NRXN1: variants seen among roughly 807,000 people sequenced by gnomAD.
NRXN1 encodes the protein neurexin 1, also known as neurexin-1.
A neutral mutation model predicts 150.9 loss-of-function variants in NRXN1; 39 were observed. The ratio of observed to expected loss-of-function variants is 0.26; its 90% confidence interval spans 0.20 to 0.34. The LOEUF is 0.34. Ranked by LOEUF, NRXN1 falls within the 10% of genes least tolerant of loss-of-function variation. The pLI, the probability that NRXN1 is intolerant of heterozygous loss-of-function variation, is 1.00. For synonymous variants in NRXN1, 924 were observed against 757.0 expected (o/e 1.22, Z -3.62); for missense variants, 1,815 against 1,949.9 (o/e 0.93, Z 1.30).
chr2:50,726,196 C>G (rs1003824492), intron 5 of NRXN1, among the ~76,000 whole-genome samples: 1 of 152,116 alleles, frequency 6.6e-6, no homozygotes, highest in Non-Finnish European at 1.5e-5. Context: ...CTCTTTTACT[C>G]GATCCCTTAA....
intron 21 of NRXN1, among the ~76,000 whole-genome samples, chr2:50,006,750 A>G (rs1684832260): frequency 6.6e-6 from 1 of 152,118 alleles, no homozygotes; most frequent in South Asian, 2.1e-4. Context: ...GTATTACTCC[A>G]CTTTACTACT....
At chr2:50,940,447 C>T (rs1414300581) in intron 2 of NRXN1, among the ~76,000 whole-genome samples, 1 of 149,766 alleles carries the variant, frequency 6.7e-6, no homozygotes, top group East Asian at 1.9e-4. Flanking sequence ...TGTACTCCAA[C>T]CTGGTGACAG....
intron 5 of NRXN1, among the ~76,000 whole-genome samples, chr2:50,826,770 A>T (rs889872054): frequency 6.6e-6 from 1 of 152,194 alleles, no homozygotes; most frequent in African/African-American, 2.4e-5. Context: ...GAGAAGTTTG[A>T]GATAGCTCTT....
At chr2:50,438,567 T>C (rs1445161778) in intron 17 of NRXN1, among the ~76,000 whole-genome samples, 2 of 152,226 alleles carry the variant, frequency 1.3e-5, no homozygotes, top group Non-Finnish European at 2.9e-5. Context: ...AAGTGCAATT[T>C]TTCTCACATT....
chr2:50,906,181 T>C (rs1329419318), intron 5 of NRXN1, among the ~76,000 whole-genome samples: 1 of 152,108 alleles, frequency 6.6e-6, no homozygotes, highest in Non-Finnish European at 1.5e-5. Context: ...TAGATTAATA[T>C]CATATTTGTA....
chr2:50,410,244 A>T (rs944282727), intron 17 of NRXN1, among the ~76,000 whole-genome samples: 9 of 152,322 alleles, frequency 5.9e-5, no homozygotes, highest in Admixed American at 5.9e-4. Context: ...CCAACACTTA[A>T]TACAATTTCA....
chr2:50,479,934 C>T (rs549512698), intron 15 of NRXN1, among the ~76,000 whole-genome samples: 2 of 152,060 alleles, frequency 1.3e-5, no homozygotes, highest in African/African-American at 2.4e-5. Flanking sequence ...CCATTACACC[C>T]GGCTAACTTC....
At position 50,219,952 on chromosome 2, in the gene NRXN1, TAA is replaced by T. The variant is rs1491106194; in HGVS notation, c.3546+16835_3546+16836del. On this transcript the variant is annotated intron_variant, in intron 18 of 22. Transcript: ENST00000401669. ...TTATATATATTATATATTATATATA[TAA>T]TATATATATTATATATATATAATAT... Among the ~76,000 whole-genome samples, 12 of 67,668 alleles carry T rather than the reference TAA, an allele frequency of 1.8e-4. 2 individuals carry two copies. The highest frequency in any genetic ancestry group is 4.8e-4 in the Admixed American group (3 of 6,308). The allele number at this position is 67,668 out of a possible 152,430, so 44.4% of individuals were successfully genotyped here.
intron 5 of NRXN1, among the ~76,000 whole-genome samples, chr2:50,745,986 C>G (rs1699979321): frequency 6.6e-6 from 1 of 152,146 alleles, no homozygotes; most frequent in African/African-American, 2.4e-5. Flanking sequence ...GCCAATGGGA[C>G]AACTAGCCCA....
At chr2:51,019,265 TCA>T (rs1669223960) in intron 2 of NRXN1, among the ~76,000 whole-genome samples, 2 of 152,228 alleles carry the variant, frequency 1.3e-5, no homozygotes, top group Admixed American at 6.5e-5. Flanking sequence ...CTCTTCTAAC[TCA>T]CAGTTTTCTC....
At position 49,921,838 on chromosome 2, in the gene NRXN1, T is replaced by C; in HGVS notation, c.*106A>G. 1 of 1,119,242 alleles carries C rather than the reference T, an allele frequency of 8.9e-7. No individual in the cohort carries two copies. Among genetic ancestry groups the C allele is most frequent in the Non-Finnish European group, 1.3e-6 (1 of 775,366 alleles). The allele number at this position is 1,119,242 out of a possible 1,614,324, so 69.3% of individuals were successfully genotyped here. On this transcript the variant is annotated 3_prime_UTR_variant, in exon 23 of 23. Coordinates refer to ENST00000401669, the MANE Select transcript of NRXN1 (RefSeq NM_001330078.2). Reference sequence around the variant, plus strand: ...CTTTCCTTCCTGATTGCATTCCCTGTCTTCTTTTGTATGTGCTTCATAAAA... The same window carrying C: ...CTTTCCTTCCTGATTGCATTCCCTGCCTTCTTTTGTATGTGCTTCATAAAA...
chr2:50,465,497 A>G lies in NRXN1; in HGVS notation c.3309T>C (p.Asp1103=). ...SNQGVCLQQW[D]GFSCDCSMTS... is the part of the protein sequence containing the mutation. ...TCATACTACAGTCACAGCTGAAGCC[A>G]TCCCATTGTTGCAAGCACACACCTT... Residue 1103 remains aspartate, a synonymous_variant, in exon 17 of 23, where the codon GAT becomes GAC. Coordinates refer to ENST00000401669, the MANE Select transcript of NRXN1 (RefSeq NM_001330078.2). The G allele has an allele frequency of 6.2e-7, 1 of 1,611,020 alleles. No individual in the cohort carries two copies. The highest frequency in any genetic ancestry group is 8.5e-7 in the Non-Finnish European group (1 of 1,178,214).
At chr2:50,713,462 G>T (rs953196485) in intron 5 of NRXN1, among the ~76,000 whole-genome samples, 1 of 152,120 alleles carries the variant, frequency 6.6e-6, no homozygotes, top group African/African-American at 2.4e-5. Context: ...CCTAGATCTG[G>T]CAAGTGCTTG....
At chr2:50,826,922 A>G (rs1670528597) in intron 5 of NRXN1, among the ~76,000 whole-genome samples, 1 of 152,212 alleles carries the variant, frequency 6.6e-6, no homozygotes, top group African/African-American at 2.4e-5. Context: ...TCACCTTCAG[A>G]AAGATTACAG....
intron 2 of NRXN1, among the ~76,000 whole-genome samples, chr2:51,017,470 G>A (rs867791785): frequency 7.2e-6 from 1 of 138,682 alleles, no homozygotes; most frequent in Non-Finnish European, 1.5e-5. Context: ...TGACTAGCTG[G>A]GACTACAATA....
chr2:50,342,663 C>T (rs2077632095), intron 17 of NRXN1, among the ~76,000 whole-genome samples: 1 of 152,208 alleles, frequency 6.6e-6, no homozygotes, highest in Admixed American at 6.5e-5. Context: ...TAACAGTGTG[C>T]ATTATTGTTA....
chr2:50,495,755 C>G (rs762873773), intron 15 of NRXN1, 150 bp downstream of exon 15: 4 of 553,300 alleles, frequency 7.2e-6, no homozygotes, highest in Non-Finnish European at 1.2e-5. Context: ...GGAGCAGAGG[C>G]TTGTGTGTTG....
intron 18 of NRXN1, among the ~76,000 whole-genome samples, chr2:50,142,940 G>T (rs1425367233): frequency 6.6e-6 from 1 of 151,866 alleles, no homozygotes; most frequent in Non-Finnish European, 1.5e-5. Flanking sequence ...CTGTTTGCCA[G>T]TCTGAACTAT....
In NRXN1 at chr2:50,691,170, T is replaced by C. The variant is rs75777855; in HGVS notation, c.833-67555A>G. On this transcript the variant is annotated intron_variant, in intron 5 of 22. Coordinates refer to ENST00000401669, the MANE Select transcript of NRXN1 (RefSeq NM_001330078.2). The stretch of plus-strand genomic sequence containing the variant: ...AAGACGTGAAGAGAGTTATGCATCG[T>C]TGATTTTATACCCTAAGTGATGATT... Among the ~76,000 whole-genome samples the C allele has an allele frequency of 5.3e-3, 802 of 152,324 alleles. 4 individuals carry two copies. The highest frequency in any genetic ancestry group is 9.3e-3 in the Non-Finnish European group (630 of 68,034).
Sources: allele counts gnomAD v4.1 joint callset (sites outside exome capture counted in the v4.1 genomes callset), GRCh38; gene constraint gnomAD v4.1.1; transcripts MANE v1.5; gene names NCBI Gene and HGNC (gene_info 2026-07-23, HGNC 2026-07-21).